The following KDM2B variants were observed in gnomAD, a reference collection of about 807,000 sequenced individuals.
KDM2B encodes the protein lysine demethylase 2B.
Under a neutral mutation model 150.0 loss-of-function variants are expected in KDM2B, and 26 were observed. The ratio of observed to expected loss-of-function variants is 0.17; its 90% CI spans 0.13 to 0.24. KDM2B has a LOEUF of 0.24. Among genes scored for constraint, KDM2B ranks in the 10% least tolerant of loss-of-function variants. KDM2B has a pLI of 1.00. For synonymous variants in KDM2B, 734 were observed against 729.5 expected (o/e 1.01, Z -0.10); for missense variants, 1,265 against 1,816.9 (o/e 0.70, Z 5.52).
intron 17 of KDM2B, 28 bp from the exon 18 acceptor site, chr12:121,443,058 C>G: frequency 6.2e-7 from 1 of 1,601,502 alleles, no homozygotes; most frequent in South Asian, 1.1e-5. Flanking sequence ...GGACGCAGAG[C>G]TTGCTCCCCG....
Position 121,440,989 on chromosome 12 carries a change from T to C in KDM2B, c.3449-12A>G, listed in dbSNP as rs150845285. On this transcript the variant is annotated splice_polypyrimidine_tract_variant and intron_variant, in intron 20 of 22. Coordinates refer to ENST00000377071, the MANE Select transcript of KDM2B (RefSeq NM_032590.5). ...CAAGTCCCGGAGCCCTGGGGGGACA[T>C]AGAAAAGGGTGAAGGTCAGGGGATG... 3.3e-4 allele frequency: 540 copies of C among 1,612,850 alleles called. 2 individuals are homozygous for C. The highest frequency in any genetic ancestry group is 1.1e-3 in the South Asian group (101 of 90,998).
rs1555288831 is a variant in KDM2B at position 121,442,678 on chromosome 12, G to A, written c.2763C>T (p.Thr921=). The change falls in exon 19 of 23, where the codon ACC becomes ACT. Residue 921 remains threonine (T), a synonymous_variant. Coordinates refer to ENST00000377071, the MANE Select transcript of KDM2B (RefSeq NM_032590.5). The surrounding 1 kb of genome is among the most constrained non-coding windows in gnomAD (Gnocchi z 7.7). ...TCTCCTCCGGGCCCTCGGCCCCTTC[G>A]GTGCTGGGTCCCGCGGTGGGGGAGC... is the stretch of plus-strand genomic sequence containing the variant. The part of the protein sequence containing the change: ...RSSSPTAGPS[T]EGAEGPEEKK... 5 of 1,603,766 alleles carry A rather than the reference G, an allele frequency of 3.1e-6. No individual in the cohort carries two copies. Among genetic ancestry groups the A allele is most frequent in the Middle Eastern group, 1.7e-4 (1 of 6,026 alleles).
At chr12:121,493,443 G>C (rs1883579526) in intron 12 of KDM2B, among the ~76,000 whole-genome samples, 1 of 152,152 alleles carries the variant, frequency 6.6e-6, no homozygotes. Context: ...TATGTAACTT[G>C]TCCAAGGAAG....
intron 12 of KDM2B, among the ~76,000 whole-genome samples, chr12:121,465,869 T>C (rs140486096): frequency 8.1e-4 from 124 of 152,310 alleles, no homozygotes; most frequent in Middle Eastern, 3.4e-3. Context: ...GTGTGATCTA[T>C]GGAACAAGAC....
At chr12:121,551,382 G>A (rs182717243) in intron 4 of KDM2B, among the ~76,000 whole-genome samples, 1 of 140,552 alleles carries the variant, frequency 7.1e-6, no homozygotes, top group Non-Finnish European at 1.5e-5. Context: ...GTCTCGCTCT[G>A]TCACCCAGGC....
At chr12:121,423,357 C>T in the KDM2B span, 82 of 1,554,176 alleles carry the variant, frequency 5.3e-5, 2 homozygotes, top group Admixed American at 1.7e-4. The surrounding 1 kb of genome is among the most constrained non-coding windows in gnomAD (Gnocchi z 4.3). Context: ...TGCCTGAAGC[C>T]GAGGCCTTAG....
rs1880673262 is a variant in KDM2B, at chr12:121,470,616, A to G, written c.1735-17272T>C. 4 of 152,272 alleles carry G rather than the reference A, an allele frequency of 2.6e-5. No homozygotes were observed. The South Asian group carries it at 6.2e-4, about 24-fold the overall frequency. The allele number at this position is 152,272 out of a possible 1,614,324, so 9.4% of individuals were successfully genotyped here. On this transcript the variant is annotated intron_variant, in intron 12 of 22. Transcript: ENST00000377071. ...TAAGGTGGGTACTTGACAGATGAGG[A>G]GACTGAGGCGCATTGCCGCGAGGAA... is the stretch of plus-strand genomic sequence containing the variant.
chr12:121,421,067 G>A, the KDM2B span, among the ~76,000 whole-genome samples: 16 of 151,962 alleles, frequency 1.1e-4, no homozygotes, highest in African/African-American at 2.7e-4. Context: ...TAAATTCCTC[G>A]TCTCTGTAAA....
At chr12:121,529,506 T>C (rs1887444664) in intron 8 of KDM2B, among the ~76,000 whole-genome samples, 1 of 152,078 alleles carries the variant, frequency 6.6e-6, no homozygotes, top group South Asian at 2.1e-4. Context: ...CTGCAAACCC[T>C]TTCTGGGTTT....
rs1050437323 is a variant in KDM2B at position 121,549,632 on chromosome 12, C to T, written c.404G>A (p.Arg135Gln). 1.3e-6 allele frequency: 2 copies of T among 1,575,374 alleles called. No individual in the cohort carries two copies. Among genetic ancestry groups the T allele is most frequent in the Non-Finnish European group, 1.7e-6 (2 of 1,153,214 alleles). Residue 135 changes from arginine to glutamine, a missense_variant, in exon 5 of 23, where the codon CGG (arginine) becomes CAG (glutamine). This residue lies in a region of KDM2B where 214 missense variants were observed against 447.4 expected (regional missense o/e 0.48). Coordinates refer to ENST00000377071, the MANE Select transcript of KDM2B (RefSeq NM_032590.5). This position sits in a 1 kb window ranked among gnomAD's most constrained non-coding sequence, Gnocchi z 4.4. ...VRDVKLLVGS[R>Q]RLVDVMDVNT... ...CACATCCATCACGTCCACAAGCCGC[C>T]GGCTCCCTGGAGGCAGAAGCCACAC...
chr12:121,563,464 G>T (rs1890482559), intron 4 of KDM2B, among the ~76,000 whole-genome samples: 1 of 149,742 alleles, frequency 6.7e-6, no homozygotes, highest in Non-Finnish European at 1.5e-5. Context: ...AAAATTAGCC[G>T]GGCGTGGCGG....
chr12:121,449,757 T>C (rs564270028), intron 13 of KDM2B, among the ~76,000 whole-genome samples: 15 of 151,648 alleles, frequency 9.9e-5, no homozygotes, highest in Admixed American at 3.3e-4. Context: ...CTCCAAAAAA[T>C]GCACATCCAT....
In KDM2B at chr12:121,442,646, T is replaced by A. The variant is rs782192663; in HGVS notation, c.2795A>T (p.Lys932Met). The A allele has an allele frequency of 8.8e-6, 14 of 1,595,570 alleles. No individual in the cohort carries two copies. Among genetic ancestry groups the A allele is most frequent in the South Asian group, 2.2e-5 (2 of 90,350 alleles). The change falls in exon 19 of 23, where the codon AAG (lysine) becomes ATG (methionine). Residue 932 changes from lysine (K) to methionine (M), a missense_variant. Lys to Met is a moderately conservative substitution (Grantham distance 95). Around this residue, in one of 11 missense-constraint regions of KDM2B, gnomAD observed 418 missense variants for 402.4 expected, o/e 1.04. Transcript: ENST00000377071. The surrounding 1 kb of genome is among the most constrained non-coding windows in gnomAD (Gnocchi z 7.7). Reference sequence around the variant, plus strand: ...CCGCCGCTTCCGGCGCATCTTCACCTTCTTCTTCTCCTCCGGGCCCTCGGC... The same window carrying A: ...CCGCCGCTTCCGGCGCATCTTCACCATCTTCTTCTCCTCCGGGCCCTCGGC... The part of the protein sequence containing the change: ...EGAEGPEEKK[K>M]VKMRRKRRLP...
chr12:121,449,204 G>T (rs1260673759), intron 13 of KDM2B, among the ~76,000 whole-genome samples: 2 of 152,114 alleles, frequency 1.3e-5, no homozygotes, highest in South Asian at 4.2e-4. Context: ...GCGCATGTGG[G>T]GGGGCAGACT....
At chr12:121,529,698 G>C (rs1046705430) in intron 8 of KDM2B, among the ~76,000 whole-genome samples, 21 of 152,130 alleles carry the variant, frequency 1.4e-4, no homozygotes, top group African/African-American at 5.1e-4. Flanking sequence ...GGGAGGCCGA[G>C]GCGGGTGGAT....
intron 17 of KDM2B, 21 bp from the exon 18 acceptor site, chr12:121,443,051 C>T (rs188137703): frequency 6.3e-5 from 102 of 1,607,100 alleles, no homozygotes; most frequent in Middle Eastern, 1.7e-4. Context: ...AAAGAAAGGA[C>T]GCAGAGCTTG....
In KDM2B at chr12:121,443,591, T is replaced by G. The variant is rs1875566886; in HGVS notation, c.2565+89A>C. 8.9e-6 allele frequency: 7 copies of G among 787,050 alleles called. No homozygotes were observed. The South Asian group carries it at 9.7e-5, about 11-fold the overall frequency. 48.8% of individuals were successfully genotyped at this position (787,050 alleles called of 1,614,324 possible). ...TGGGAAGCCTCAGGAGAGGCAGCAG[T>G]GGGGTGGAGGACCAGCGGGGTGGGG... On this transcript the variant is annotated intron_variant, in intron 17 of 22. Coordinates refer to ENST00000377071, the MANE Select transcript of KDM2B (RefSeq NM_032590.5).
At chr12:121,487,233 C>A (rs1259834647) in intron 12 of KDM2B, among the ~76,000 whole-genome samples, 1 of 152,136 alleles carries the variant, frequency 6.6e-6, no homozygotes, top group African/African-American at 2.4e-5. Context: ...TTTCTCTCAA[C>A]GGGATTTTTC....
chr12:121,553,081 A>T (rs1889631828), intron 4 of KDM2B, among the ~76,000 whole-genome samples: 1 of 151,476 alleles, frequency 6.6e-6, no homozygotes, highest in Admixed American at 6.6e-5. Context: ...AAATACAAAA[A>T]ATCCGCCGGG....
Sources: gnomAD v4.1 joint callset for allele counts (sites outside exome capture counted in the v4.1 genomes callset) on GRCh38, gnomAD v4.1.1 for gene constraint, gnomAD v4.1.1 regional missense constraint, Gnocchi (gnomAD v3.1) non-coding constraint, MANE v1.5 for transcripts, NCBI Gene and HGNC (gene_info 2026-07-23, HGNC 2026-07-21) for gene names.